The following MAPK10 variants were observed in gnomAD, a reference collection of about 807,000 sequenced individuals.
MAPK10 encodes mitogen-activated protein kinase 10.
A neutral mutation model predicts 59.3 loss-of-function variants in MAPK10; 25 were observed. The observed-to-expected ratio is 0.42, with a 90% CI of 0.31 to 0.59. MAPK10 has a LOEUF of 0.59. Among genes scored for constraint, MAPK10 ranks in the 20% least tolerant of loss-of-function variants. The pLI, the probability that MAPK10 is intolerant of heterozygous loss-of-function variation, is 0.15. For missense variants in MAPK10, 351 were observed against 568.9 expected (o/e 0.62, Z 3.90); for synonymous variants, 190 against 200.5 (o/e 0.95, Z 0.44).
chr4:86,229,557 C>T (rs2091218127), intron 2 of MAPK10, among the ~76,000 whole-genome samples: 1 of 152,088 alleles, frequency 6.6e-6, no homozygotes, highest in Admixed American at 6.6e-5. Context: ...GTAGAATAAA[C>T]TAATATGGCC....
At chr4:86,031,540 T>A (rs931003692) in intron 11 of MAPK10, 109 bp from the exon 12 acceptor site, 5 of 724,874 alleles carry the variant, frequency 6.9e-6, no homozygotes, top group African/African-American at 1.8e-5. Context: ...ATTTCAACCG[T>A]ATATAAGTTA....
intron 1 of MAPK10, among the ~76,000 whole-genome samples, chr4:86,552,963 C>T (rs184546314): frequency 6.6e-6 from 1 of 152,258 alleles, no homozygotes; most frequent in African/African-American, 2.4e-5. Flanking sequence ...ACACGAAGTT[C>T]ATGCTGCCTG....
At chr4:86,492,941 A>G (rs1754586419) in intron 1 of MAPK10, among the ~76,000 whole-genome samples, 1 of 152,340 alleles carries the variant, frequency 6.6e-6, no homozygotes, top group Middle Eastern at 3.4e-3. Flanking sequence ...TCTATATTTG[A>G]GTCCTTGTGG....
intron 1 of MAPK10, among the ~76,000 whole-genome samples, chr4:86,418,794 G>T (rs886510195): frequency 6.6e-6 from 1 of 152,120 alleles, no homozygotes; most frequent in African/African-American, 2.4e-5. Flanking sequence ...CCAACAAGTG[G>T]ATAAAGAAAA....
intron 1 of MAPK10, among the ~76,000 whole-genome samples, chr4:86,541,951 A>G (rs1292074621): frequency 2.4e-4 from 13 of 53,586 alleles, no homozygotes; most frequent in Admixed American, 8.1e-4. Context: ...ACACCGGCAC[A>G]CACACACACA....
chr4:86,494,283 G>A (rs1035490610), intron 1 of MAPK10, among the ~76,000 whole-genome samples: 7 of 152,202 alleles, frequency 4.6e-5, no homozygotes, highest in Non-Finnish European at 8.8e-5. Context: ...AGTCTGGCAG[G>A]ACAGCAGTAC....
intron 1 of MAPK10, among the ~76,000 whole-genome samples, chr4:86,511,677 G>A (rs1026769026): frequency 6.7e-6 from 1 of 149,650 alleles, no homozygotes; most frequent in Admixed American, 6.7e-5. Flanking sequence ...AGAGGAAGAA[G>A]AAGAAGAACA....
chr4:86,247,838 G>A (rs572430053), intron 2 of MAPK10, among the ~76,000 whole-genome samples: 3 of 152,160 alleles, frequency 2.0e-5, no homozygotes, highest in East Asian at 1.9e-4. Context: ...CAGCAGCATC[G>A]AACTATGGAA....
At chr4:86,297,627 T>C (rs1030195175) in intron 2 of MAPK10, among the ~76,000 whole-genome samples, 2 of 152,146 alleles carry the variant, frequency 1.3e-5, no homozygotes, top group African/African-American at 4.8e-5. Context: ...GAGTTTTATG[T>C]CTGTACCCAC....
intron 2 of MAPK10, among the ~76,000 whole-genome samples, chr4:86,336,767 G>A (rs531016473): frequency 5.5e-5 from 8 of 146,270 alleles, no homozygotes; most frequent in African/African-American, 7.5e-5. Flanking sequence ...TAAGCTCCAC[G>A]ACATCAGGAA....
rs1376156770 is a variant in MAPK10, at chr4:86,014,303, G to GGGGTGTGTGTGT, written c.*2924_*2925insACACACACACCC. ...AGGTGACTATTTAAGAAATATTTGGGGTGTGTGTGTGTGTGTGTGTGTGTG... is the reference window on the plus strand; with the variant it reads ...AGGTGACTATTTAAGAAATATTTGGGGGGTGTGTGTGTGTGTGTGTGTGTGTGTGTGTGTGTG... On this transcript the variant is annotated 3_prime_UTR_variant, in exon 14 of 14. Coordinates refer to ENST00000641462, the MANE Select transcript of MAPK10 (RefSeq NM_138982.4). The GGGGTGTGTGTGT allele has an allele frequency of 2.1e-5, 3 of 143,892 alleles. No individual in the cohort carries two copies. Among genetic ancestry groups the GGGGTGTGTGTGT allele is most frequent in the Non-Finnish European group, 3.0e-5 (2 of 65,940 alleles). 8.9% of individuals were successfully genotyped at this position (143,892 alleles called of 1,614,324 possible). A position where few individuals can be genotyped will look rare whatever the true frequency, so the allele number is the denominator to read the frequency against.
chr4:86,287,040 A>G (rs2095040664), intron 2 of MAPK10, among the ~76,000 whole-genome samples: 1 of 152,200 alleles, frequency 6.6e-6, no homozygotes, highest in Non-Finnish European at 1.5e-5. Flanking sequence ...GAGTATAAAC[A>G]TGCCATTTCA....
At chr4:86,216,302 A>G (rs1029014233) in intron 2 of MAPK10, among the ~76,000 whole-genome samples, 1 of 134,574 alleles carries the variant, frequency 7.4e-6, no homozygotes, top group Non-Finnish European at 1.5e-5. Flanking sequence ...TAGCATATAT[A>G]TATATATATA....
chr4:86,355,186 A>G (rs757767505), intron 1 of MAPK10, among the ~76,000 whole-genome samples: 1 of 152,160 alleles, frequency 6.6e-6, no homozygotes. Flanking sequence ...CCAACATTAT[A>G]TTAGACAAGA....
chr4:86,030,492 G>A (rs1211477950), intron 12 of MAPK10, among the ~76,000 whole-genome samples: 5 of 151,628 alleles, frequency 3.3e-5, no homozygotes, highest in Admixed American at 6.6e-5. Context: ...CACTATGCCC[G>A]GCTAATTTTT....
chr4:86,069,268 T>C (rs1482885948), intron 9 of MAPK10, among the ~76,000 whole-genome samples: 1 of 152,154 alleles, frequency 6.6e-6, no homozygotes, highest in Non-Finnish European at 1.5e-5. Flanking sequence ...TCTTCATCTC[T>C]ATAATCTGGC....
intron 9 of MAPK10, among the ~76,000 whole-genome samples, chr4:86,070,835 A>C (rs2047760124): frequency 6.6e-6 from 1 of 152,128 alleles, no homozygotes; most frequent in Non-Finnish European, 1.5e-5. Context: ...TATTGTGAAT[A>C]ATGCCATAAT....
At chr4:86,172,854 CTTCCA>C (rs1562663985) in intron 3 of MAPK10, among the ~76,000 whole-genome samples, 1 of 151,594 alleles carries the variant, frequency 6.6e-6, no homozygotes, top group African/African-American at 2.4e-5. Context: ...CATGAATGAA[CTTCCA>C]TTCACAATTG....
At chr4:86,429,734 T>C (rs1334901998) in intron 1 of MAPK10, 2 of 152,102 alleles carry the variant, frequency 1.3e-5, no homozygotes, top group African/African-American at 4.8e-5. Context: ...GCACAGGAGT[T>C]TCTGGCTGCA....
Sources: gnomAD v4.1 joint callset for allele counts (sites outside exome capture counted in the v4.1 genomes callset) on GRCh38, gnomAD v4.1.1 for gene constraint, MANE v1.5 for transcripts, NCBI Gene and HGNC (gene_info 2026-07-23, HGNC 2026-07-21) for gene names.